The following TNR variants were observed in gnomAD, a reference collection of about 807,000 sequenced individuals.
TNR encodes the protein tenascin-R.
Under a neutral mutation model 150.4 loss-of-function variants are expected in TNR, and 45 were observed. The ratio of observed to expected loss-of-function variants is 0.30; its 90% CI spans 0.24 to 0.38. TNR has a LOEUF of 0.38. Ranked by LOEUF, TNR falls within the 10% of genes least tolerant of loss-of-function variation. TNR has a pLI of 1.00. For synonymous variants in TNR, 687 were observed against 678.4 expected (o/e 1.01, Z -0.20); for missense variants, 1,544 against 1,759.1 (o/e 0.88, Z 2.19).
At chr1:175,528,680 C>T (rs879784118) in intron 1 of TNR, among the ~76,000 whole-genome samples, 3 of 152,146 alleles carry the variant, frequency 2.0e-5, no homozygotes, top group Non-Finnish European at 2.9e-5. Flanking sequence ...ACTGTAATAA[C>T]ATGCTTAGCT....
intron 2 of TNR, among the ~76,000 whole-genome samples, chr1:175,479,012 C>T (rs950469984): frequency 7.2e-5 from 11 of 152,170 alleles, no homozygotes; most frequent in African/African-American, 2.4e-4. Flanking sequence ...AAATATATTA[C>T]CTTATTTCAT....
chr1:175,336,303 C>T (rs970869189), intron 19 of TNR, among the ~76,000 whole-genome samples: 3 of 152,188 alleles, frequency 2.0e-5, no homozygotes, highest in East Asian at 3.8e-4. Flanking sequence ...TTTATTTAGC[C>T]TCCAATATAT....
chr1:175,586,513 G>A (rs1281338483), intron 1 of TNR, among the ~76,000 whole-genome samples: 1 of 152,006 alleles, frequency 6.6e-6, no homozygotes, highest in East Asian at 1.9e-4. Context: ...GTTGGCCAGG[G>A]TGGTCTGGTC....
Position 175,546,939 on chromosome 1 carries a change from A to C in TNR, c.-164-18570T>G, listed in dbSNP as rs114370114. Reference sequence around the variant, plus strand: ...TTTCCCAGATAAGGAACTGGAGGCCAGTAACAATGGGCACTGCTCTGCAAA... The same window carrying C: ...TTTCCCAGATAAGGAACTGGAGGCCCGTAACAATGGGCACTGCTCTGCAAA... On this transcript the variant is annotated intron_variant, in intron 1 of 22. Transcript: ENST00000367674. 7.6e-3 allele frequency among the ~76,000 whole-genome samples: 1,155 copies of C among 152,304 alleles called. 13 individuals carry two copies. The highest frequency in any genetic ancestry group is 0.026 in the African/African-American group (1,075 of 41,572).
At chr1:175,660,698 C>G (rs748039236) in intron 1 of TNR, among the ~76,000 whole-genome samples, 1 of 152,068 alleles carries the variant, frequency 6.6e-6, no homozygotes, top group Non-Finnish European at 1.5e-5. Context: ...GAGAAGGGAC[C>G]CAGAGACCAC....
intron 2 of TNR, among the ~76,000 whole-genome samples, chr1:175,412,473 C>T (rs1167937379): frequency 6.6e-6 from 1 of 152,104 alleles, no homozygotes; most frequent in African/African-American, 2.4e-5. Flanking sequence ...ATAGTGTCCC[C>T]CAAATCAGGA....
At chr1:175,345,237 A>G (rs1650724841) in intron 18 of TNR, among the ~76,000 whole-genome samples, 1 of 152,216 alleles carries the variant, frequency 6.6e-6, no homozygotes. Flanking sequence ...TCATATTGCC[A>G]TGGAGTAATC....
chr1:175,422,664 CT>C (rs1351754796), intron 2 of TNR, among the ~76,000 whole-genome samples: 12 of 152,218 alleles, frequency 7.9e-5, no homozygotes, highest in South Asian at 2.1e-4. Flanking sequence ...GGTCTCCCCC[CT>C]AACCCCAGTT....
chr1:175,372,059 G>A (rs768237708), intron 9 of TNR, among the ~76,000 whole-genome samples: 1 of 152,094 alleles, frequency 6.6e-6, no homozygotes, highest in Non-Finnish European at 1.5e-5. Context: ...GTGAGTTCTC[G>A]TGAGATCTGG....
chr1:175,618,415 G>A (rs927150240), intron 1 of TNR, among the ~76,000 whole-genome samples: 1 of 152,184 alleles, frequency 6.6e-6, no homozygotes, highest in Non-Finnish European at 1.5e-5. Context: ...ACCTGGCAGG[G>A]CTGGTTATTT....
At chr1:175,411,785 T>C (rs1290634152) in intron 2 of TNR, among the ~76,000 whole-genome samples, 1 of 152,006 alleles carries the variant, frequency 6.6e-6, no homozygotes, top group Non-Finnish European at 1.5e-5. Flanking sequence ...TATTTCCAAA[T>C]AAGGTTACAT....
At chr1:175,446,195 T>TTGGTTTGAGTGCAGTG (rs1656038587) in intron 2 of TNR, among the ~76,000 whole-genome samples, 1 of 152,198 alleles carries the variant, frequency 6.6e-6, no homozygotes, top group South Asian at 2.1e-4. Context: ...AACGAAGTTC[T>TTGGTTTGAGTGCAGTG]TGGTTTGAGT....
intron 1 of TNR, among the ~76,000 whole-genome samples, chr1:175,576,692 C>A (rs995458659): frequency 6.6e-6 from 1 of 152,176 alleles, no homozygotes; most frequent in Non-Finnish European, 1.5e-5. Flanking sequence ...TAAATGTTCA[C>A]CCTTTCACTT....
At chr1:175,722,389 G>A (rs886914148) in intron 1 of TNR, among the ~76,000 whole-genome samples, 3 of 152,228 alleles carry the variant, frequency 2.0e-5, no homozygotes, top group Non-Finnish European at 2.9e-5. Flanking sequence ...ATGAATGGAC[G>A]CCAATACTTA....
chr1:175,545,229 A>G (rs1178226996), intron 1 of TNR, among the ~76,000 whole-genome samples: 1 of 152,222 alleles, frequency 6.6e-6, no homozygotes, highest in African/African-American at 2.4e-5. Context: ...CAAAAGTGAC[A>G]GAGAGGTAAT....
At chr1:175,653,320 G>T (rs1377939237) in intron 1 of TNR, among the ~76,000 whole-genome samples, 1 of 152,242 alleles carries the variant, frequency 6.6e-6, no homozygotes, top group Non-Finnish European at 1.5e-5. Flanking sequence ...TGCACAGTGA[G>T]AAGCAGTGTT....
At chr1:175,529,224 C>T (rs1659970451) in intron 1 of TNR, among the ~76,000 whole-genome samples, 1 of 152,156 alleles carries the variant, frequency 6.6e-6, no homozygotes, top group African/African-American at 2.4e-5. Context: ...CACTGAGCCC[C>T]AGGGATATCA....
chr1:175,324,630 T>C (rs1649261296), intron 21 of TNR, 111 bp from the exon 22 acceptor site: 2 of 1,271,846 alleles, frequency 1.6e-6, no homozygotes, highest in African/African-American at 1.5e-5. Context: ...TGGAACCTTT[T>C]CATTTCCACC....
At chr1:175,591,962 C>T (rs1406658391) in intron 1 of TNR, among the ~76,000 whole-genome samples, 1 of 152,140 alleles carries the variant, frequency 6.6e-6, no homozygotes, top group Non-Finnish European at 1.5e-5. Flanking sequence ...ATCTAAGTGA[C>T]CAAGATAAAC....
Sources: allele counts gnomAD v4.1 joint callset (sites outside exome capture counted in the v4.1 genomes callset), GRCh38; gene constraint gnomAD v4.1.1; transcripts MANE v1.5; gene names NCBI Gene and HGNC (gene_info 2026-07-23, HGNC 2026-07-21).